The following POGLUT3 variants were observed in gnomAD, a reference collection of about 807,000 sequenced individuals.
The protein encoded by POGLUT3 is protein O-glucosyltransferase 3.
A neutral mutation model predicts 54.3 loss-of-function variants in POGLUT3; 48 were observed. That is an observed-to-expected ratio of 0.88 (90% CI 0.70 to 1.12). The LOEUF (loss-of-function observed/expected upper bound fraction) is 1.12. Ranked by LOEUF, POGLUT3 falls within the 50% of genes most tolerant of loss-of-function variation. POGLUT3 has a pLI of 0.00. For synonymous variants in POGLUT3, 218 were observed against 237.4 expected (o/e 0.92, Z 0.75); for missense variants, 629 against 618.7 (o/e 1.02, Z -0.18).
chr11:108,480,945 G>A (rs762832752), intron 5 of POGLUT3, among the ~76,000 whole-genome samples: 3 of 151,422 alleles, frequency 2.0e-5, no homozygotes, highest in Non-Finnish European at 2.9e-5. Flanking sequence ...AAAATCCCAG[G>A]TTAATCCTTG....
intron 1 of POGLUT3, among the ~76,000 whole-genome samples, chr11:108,495,690 G>T (rs2135867876): frequency 6.6e-6 from 1 of 152,176 alleles, no homozygotes; most frequent in African/African-American, 2.4e-5. Flanking sequence ...AAAGGGTCTT[G>T]CTATGTTGCC....
chr11:108,498,295 C>A lies in POGLUT3; in HGVS notation c.72G>T (p.Glu24Asp). The A allele has an allele frequency of 6.8e-7, 1 of 1,463,620 alleles. No individual in the cohort carries two copies. Among genetic ancestry groups the A allele is most frequent in the Admixed American group, 2.5e-5 (1 of 39,344 alleles). 90.7% of individuals were successfully genotyped at this position (1,463,620 alleles called of 1,614,324 possible). Residue 24 changes from glutamate (E) to aspartate (D), a missense_variant, in exon 1 of 8, where the codon GAG (glutamate) becomes GAT (aspartate). By Grantham distance (45) the Glu-to-Asp change is conservative. Transcript: ENST00000323468. ...LALLVAAGAP[E>D]VLVSAPRSLV... ...GGCTCCGCGGCGCGCTGACCAGCACCTCCGGGGCCCCCGCGGCCACCAGCA... is the reference window on the plus strand; with the variant it reads ...GGCTCCGCGGCGCGCTGACCAGCACATCCGGGGCCCCCGCGGCCACCAGCA...
At position 108,472,130 on chromosome 11, in the gene POGLUT3, A is replaced by T. The variant is rs1048974144; in HGVS notation, c.*2697T>A. 5.3e-5 allele frequency: 8 copies of T among 152,134 alleles called. No homozygotes were observed. The highest frequency in any genetic ancestry group is 1.9e-4 in the African/African-American group (8 of 41,444). The allele number at this position is 152,134 out of a possible 1,614,324, so 9.4% of individuals were successfully genotyped here. On this transcript the variant is annotated 3_prime_UTR_variant, in exon 8 of 8. Coordinates refer to ENST00000323468, the MANE Select transcript of POGLUT3 (RefSeq NM_153705.5). ...TCTTTTTCAACTTTTTATTTAGAAA[A>T]TTTATTTTATTTAAAAGGTATATAT... is the stretch of plus-strand genomic sequence containing the variant.
intron 5 of POGLUT3, 78 bp downstream of exon 5, chr11:108,481,102 C>T: frequency 8.8e-7 from 1 of 1,136,650 alleles, no homozygotes; most frequent in Non-Finnish European, 1.3e-6. Flanking sequence ...GTGAAATTTG[C>T]TGAAGCCCAC....
chr11:108,483,201 T>C (rs966666883), intron 3 of POGLUT3, among the ~76,000 whole-genome samples: 3 of 152,256 alleles, frequency 2.0e-5, no homozygotes, highest in Admixed American at 1.3e-4. Context: ...ACTCTCTGGC[T>C]GGCATTCAAG....
chr11:108,481,829 GGT>G (rs1267354761), intron 4 of POGLUT3, among the ~76,000 whole-genome samples, 175 bp downstream of exon 4: 1 of 152,114 alleles, frequency 6.6e-6, no homozygotes, highest in Admixed American at 6.5e-5. Flanking sequence ...TCTTACAAAG[GGT>G]GACCAGAAAA....
chr11:108,491,497 G>C (rs2093613320), intron 1 of POGLUT3: 1 of 437,904 alleles, frequency 2.3e-6, no homozygotes, highest in African/African-American at 2.0e-5. Flanking sequence ...TGAGTAGCTG[G>C]GACTATAGGA....
rs1339503044 is a variant in POGLUT3, at chr11:108,498,230, G to A, written c.137C>T (p.Pro46Leu). Residue 46 changes from proline to leucine, a missense_variant, in exon 1 of 8, where the codon CCG (proline) becomes CTG (leucine). Physicochemically the swap from Pro to Leu is moderately conservative, Grantham distance 98. Transcript: ENST00000323468. ...CGCCTGCAGGTAGAAATAGCGGACC[G>A]GCAGGACGACGGCCGCCTGCAGCCC... is the stretch of plus-strand genomic sequence containing the variant. ...GPGLQAAVVL[P>L]VRYFYLQAVN... 4.6e-6 allele frequency: 7 copies of A among 1,514,844 alleles called. No individual in the cohort carries two copies. In the East Asian group the frequency reaches 1.1e-4, roughly 24 times the overall value. The allele number at this position is 1,514,844 out of a possible 1,614,324, so 93.8% of individuals were successfully genotyped here.
intron 6 of POGLUT3, among the ~76,000 whole-genome samples, chr11:108,478,404 C>T (rs2093586260): frequency 6.6e-6 from 1 of 152,190 alleles, no homozygotes; most frequent in African/African-American, 2.4e-5. Flanking sequence ...TCTGTCCCAC[C>T]AGCCTATTTC....
At chr11:108,476,258 T>C (rs1027800009) in intron 7 of POGLUT3, among the ~76,000 whole-genome samples, 2 of 152,152 alleles carry the variant, frequency 1.3e-5, no homozygotes, top group South Asian at 4.1e-4. Flanking sequence ...CTCAGCCTCC[T>C]GAGTAGTTGA....
Position 108,482,236 on chromosome 11 carries a change from T to C in POGLUT3, c.685-14A>G, listed in dbSNP as rs757194619. On this transcript the variant is annotated splice_polypyrimidine_tract_variant and intron_variant, in intron 3 of 7. Transcript: ENST00000323468. ...TGGGAGAAGGACCTAAATAAACATA[T>C]AAACAAACATCAGTGCTGGGAAGAT... The C allele has an allele frequency of 1.9e-6, 3 of 1,564,842 alleles. No homozygotes were observed. The highest frequency in any genetic ancestry group is 1.8e-6 in the Non-Finnish European group (2 of 1,136,462).
intron 7 of POGLUT3, among the ~76,000 whole-genome samples, chr11:108,475,415 C>T (rs1172770219): frequency 6.6e-6 from 1 of 151,686 alleles, no homozygotes; most frequent in Non-Finnish European, 1.5e-5. Flanking sequence ...TGTAATGTTC[C>T]TCCACTGTGG....
chr11:108,476,634 T>C (rs2093582342), intron 7 of POGLUT3, among the ~76,000 whole-genome samples: 1 of 152,202 alleles, frequency 6.6e-6, no homozygotes, highest in Non-Finnish European at 1.5e-5. Flanking sequence ...AAAATAAATT[T>C]AGGTTAAAAA....
intron 3 of POGLUT3, among the ~76,000 whole-genome samples, chr11:108,482,826 T>G (rs766835769): frequency 6.6e-6 from 1 of 152,138 alleles, no homozygotes; most frequent in African/African-American, 2.4e-5. Flanking sequence ...TAAGAATGAA[T>G]AGCTTCGATA....
chr11:108,487,947 G>C (rs1359677582), intron 2 of POGLUT3, among the ~76,000 whole-genome samples: 1 of 151,604 alleles, frequency 6.6e-6, no homozygotes, highest in East Asian at 2.0e-4. Context: ...ACAAGTAACA[G>C]GGACTGATGT....
chr11:108,498,351 G>C lies in POGLUT3; in HGVS notation c.16C>G (p.Arg6Gly). The C allele has an allele frequency of 7.5e-7, 1 of 1,324,622 alleles. No homozygotes were observed. The highest frequency in any genetic ancestry group is 9.6e-7 in the Non-Finnish European group (1 of 1,040,496). The allele number at this position is 1,324,622 out of a possible 1,614,324, so 82.1% of individuals were successfully genotyped here. A position where few individuals can be genotyped will look rare whatever the true frequency, so the allele number is the denominator to read the frequency against. MRRLP[R>G]ALLLQLRLAL... ...AGGCGCAGCTGCAGCAGCAGGGCCCGCGGGAGGCGGCGCATGGTCGGCGGG... is the reference window on the plus strand; with the variant it reads ...AGGCGCAGCTGCAGCAGCAGGGCCCCCGGGAGGCGGCGCATGGTCGGCGGG... Residue 6 changes from arginine (R) to glycine (G), a missense_variant, in exon 1 of 8, where the codon CGG (arginine) becomes GGG (glycine). Coordinates refer to ENST00000323468, the MANE Select transcript of POGLUT3 (RefSeq NM_153705.5).
chr11:108,479,554 T>A (rs2093588844), intron 5 of POGLUT3, 59 bp from the exon 6 acceptor site: 1 of 1,319,608 alleles, frequency 7.6e-7, no homozygotes, highest in East Asian at 2.4e-5. Flanking sequence ...TCACTTCTGC[T>A]CCTCATCAAC....
At chr11:108,477,491 A>G (rs1348688355) in intron 7 of POGLUT3, 116 bp downstream of exon 7, 2 of 660,674 alleles carry the variant, frequency 3.0e-6, no homozygotes, top group Non-Finnish European at 5.4e-6. Context: ...TGGCTTAGCC[A>G]GTGGTCCATA....
intron 7 of POGLUT3, among the ~76,000 whole-genome samples, chr11:108,475,516 G>C (rs540579605): frequency 7.5e-4 from 104 of 137,988 alleles, no homozygotes; most frequent in African/African-American, 2.7e-3. Context: ...ACTGAGGCTG[G>C]AGTGCAGTGG....
Sources: allele counts gnomAD v4.1 joint callset (sites outside exome capture counted in the v4.1 genomes callset), GRCh38; gene constraint gnomAD v4.1.1; transcripts MANE v1.5; gene names NCBI Gene and HGNC (gene_info 2026-07-23, HGNC 2026-07-21).